TLE1: variants seen among roughly 807,000 people sequenced by gnomAD.
The protein encoded by TLE1 is transducin-like enhancer protein 1.
Under a neutral mutation model 89.8 loss-of-function variants are expected in TLE1, and 21 were observed. The observed-to-expected ratio is 0.23, with a 90% CI of 0.17 to 0.34. The LOEUF is 0.34. Among genes scored for constraint, TLE1 ranks in the 10% least tolerant of loss-of-function variants. The pLI is 1.00. For synonymous variants in TLE1, 447 were observed against 407.6 expected (o/e 1.10, Z -1.16); for missense variants, 795 against 1,031.2 (o/e 0.77, Z 3.14).
chr9:81,675,698 G>GTTTGTTTTTTTTTTTTTTTTT (rs1554701835), intron 4 of TLE1, among the ~76,000 whole-genome samples: 2 of 129,666 alleles, frequency 1.5e-5, no homozygotes, highest in African/African-American at 6.6e-5. Flanking sequence ...ACTCACACTA[G>GTTTGTTTTTTTTTTTTTTTTT]TTTTTTTTTG....
intron 4 of TLE1, among the ~76,000 whole-genome samples, chr9:81,676,975 G>C (rs149876078): frequency 6.6e-6 from 1 of 151,992 alleles, no homozygotes; most frequent in African/African-American, 2.4e-5. Context: ...GGTGGCTCAC[G>C]CCTATAATCC....
At chr9:81,655,337 T>A (rs574041872) in intron 4 of TLE1, among the ~76,000 whole-genome samples, 1 of 151,880 alleles carries the variant, frequency 6.6e-6, no homozygotes, top group Non-Finnish European at 1.5e-5. Context: ...CACTCCAGCC[T>A]GTGCGACAGT....
intron 6 of TLE1, among the ~76,000 whole-genome samples, chr9:81,643,243 G>GT (rs1828385791): frequency 1.4e-5 from 2 of 138,874 alleles, no homozygotes; most frequent in African/African-American, 5.2e-5. Context: ...TTTGTTTTTT[G>GT]GTTTTTTTTT....
At chr9:81,621,424 G>A (rs143160047) in intron 8 of TLE1, among the ~76,000 whole-genome samples, 1 of 152,286 alleles carries the variant, frequency 6.6e-6, no homozygotes, top group East Asian at 1.9e-4. Flanking sequence ...GGGGCAATTT[G>A]TTCAGTGATG....
chr9:81,626,137 C>T (rs574004400), intron 8 of TLE1, among the ~76,000 whole-genome samples: 13 of 152,116 alleles, frequency 8.5e-5, no homozygotes, highest in Admixed American at 3.3e-4. Flanking sequence ...GCACATTATT[C>T]AAATGGATTT....
At chr9:81,603,004 C>T (rs189935013) in intron 14 of TLE1, among the ~76,000 whole-genome samples, 1 of 152,228 alleles carries the variant, frequency 6.6e-6, no homozygotes, top group African/African-American at 2.4e-5. Context: ...ATCTTGTCAT[C>T]TTAACACCGG....
At chr9:81,657,552 G>A (rs1830287339) in intron 4 of TLE1, among the ~76,000 whole-genome samples, 1 of 152,128 alleles carries the variant, frequency 6.6e-6, no homozygotes, top group Non-Finnish European at 1.5e-5. Flanking sequence ...GGACAGTTAA[G>A]ATCCAGTCTG....
chr9:81,644,173 A>G (rs1448005459), intron 6 of TLE1, among the ~76,000 whole-genome samples: 1 of 152,152 alleles, frequency 6.6e-6, no homozygotes, highest in African/African-American at 2.4e-5. Context: ...GCTTTGGAAA[A>G]CAGTCTGGCT....
In TLE1 at chr9:81,641,309, A is replaced by C. The variant is rs146109160; in HGVS notation, c.373-7008T>G. ...CAGAAAACATCAAGGACACTACTGC[A>C]GGAGTTATCGCAAAACCTCCCATTA... On this transcript the variant is annotated intron_variant, in intron 6 of 19. Transcript: ENST00000376499. Among the ~76,000 whole-genome samples the C allele has an allele frequency of 1.2e-4, 18 of 152,330 alleles. No homozygotes were observed. The East Asian group carries it at 2.7e-3, about 23-fold the overall frequency.
chr9:81,611,214 C>G (rs527247315), intron 13 of TLE1, among the ~76,000 whole-genome samples: 8 of 152,238 alleles, frequency 5.3e-5, no homozygotes, highest in East Asian at 1.9e-4. Context: ...GCAGGGCAAA[C>G]AGACGAGAGA....
chr9:81,586,484 C>T (rs1828479474), intron 17 of TLE1, among the ~76,000 whole-genome samples: 1 of 152,150 alleles, frequency 6.6e-6, no homozygotes, highest in Non-Finnish European at 1.5e-5. Context: ...TACATCTAAA[C>T]ATTGAAAAGG....
chr9:81,667,426 T>A (rs1310444430), intron 4 of TLE1, among the ~76,000 whole-genome samples: 2 of 148,686 alleles, frequency 1.3e-5, no homozygotes, highest in African/African-American at 4.9e-5. Flanking sequence ...TCAAGTTACC[T>A]CTGAATGTTT....
At chr9:81,657,865 T>C (rs1226178248) in intron 4 of TLE1, among the ~76,000 whole-genome samples, 1 of 150,944 alleles carries the variant, frequency 6.6e-6, no homozygotes, top group Non-Finnish European at 1.5e-5. Context: ...TAGGAAATAA[T>C]GACAAGAAAA....
rs1180795183 is a variant in TLE1, at chr9:81,649,424, C to T, written c.372+2790G>A. On this transcript the variant is annotated intron_variant, in intron 6 of 19. Coordinates refer to ENST00000376499, the MANE Select transcript of TLE1 (RefSeq NM_005077.5). Reference sequence around the variant, plus strand: ...ATGTCCTTGAGATGATTTACTTTTTCCAGGTTTGATAAAGAGAAATATCTT... The same window carrying T: ...ATGTCCTTGAGATGATTTACTTTTTTCAGGTTTGATAAAGAGAAATATCTT... Among the ~76,000 whole-genome samples the T allele has an allele frequency of 2.6e-5, 4 of 152,200 alleles. No individual in the cohort carries two copies. In the East Asian group the frequency reaches 7.7e-4, roughly 29 times the overall value.
intron 9 of TLE1, among the ~76,000 whole-genome samples, chr9:81,619,618 C>T (rs1172322771): frequency 6.6e-6 from 1 of 152,190 alleles, no homozygotes; most frequent in Admixed American, 6.5e-5. Context: ...AGGGACGTAG[C>T]CCCATTTCAG....
At chr9:81,638,991 A>G (rs1458018238) in intron 6 of TLE1, among the ~76,000 whole-genome samples, 2 of 151,982 alleles carry the variant, frequency 1.3e-5, no homozygotes, top group Non-Finnish European at 2.9e-5. Context: ...CAGTGCAATC[A>G]TGGCTCACTG....
intron 4 of TLE1, among the ~76,000 whole-genome samples, chr9:81,658,218 G>A (rs972715525): frequency 1.4e-4 from 22 of 151,822 alleles, no homozygotes; most frequent in African/African-American, 4.6e-4. Context: ...GTGCCTGGCC[G>A]ATGCAATGTT....
intron 2 of TLE1, among the ~76,000 whole-genome samples, chr9:81,686,938 T>A (rs1446586022): frequency 6.6e-6 from 1 of 152,224 alleles, no homozygotes; most frequent in Non-Finnish European, 1.5e-5. Flanking sequence ...TTTTCTAGTA[T>A]GGCAAACAGC....
At chr9:81,632,475 CTTTTTT>C (rs11376391) in intron 8 of TLE1, among the ~76,000 whole-genome samples, 240 of 79,908 alleles carry the variant, frequency 3.0e-3, no homozygotes, top group African/African-American at 7.2e-3. Flanking sequence ...TTCAGTATCC[CTTTTTT>C]TTTTTTTTTT....
Sources: allele counts gnomAD v4.1 joint callset (sites outside exome capture counted in the v4.1 genomes callset), GRCh38; gene constraint gnomAD v4.1.1; transcripts MANE v1.5; gene names NCBI Gene and HGNC (gene_info 2026-07-23, HGNC 2026-07-21).